Variants in TYW1B observed in about 807,000 individuals in gnomAD.
The protein encoded by TYW1B is S-adenosyl-L-methionine-dependent tRNA 4-demethylwyosine synthase TYW1B.
Under a neutral mutation model 86.9 loss-of-function variants are expected in TYW1B, and 73 were observed. The observed-to-expected ratio is 0.84, with a 90% CI of 0.70 to 1.02. The LOEUF is 1.02. Among genes scored for constraint, TYW1B ranks in the 50% least tolerant of loss-of-function variants. The pLI, the probability that TYW1B is intolerant of heterozygous loss-of-function variation, is 0.00. For synonymous variants in TYW1B, 248 were observed against 292.8 expected, an observed-to-expected ratio of 0.85 and a Z score of 1.56; for missense variants, 637 against 827.4, an observed-to-expected ratio of 0.77 and a Z score of 2.82.
chr7:72,617,621 C>A (rs1178467199), intron 12 of TYW1B, among the ~76,000 whole-genome samples: 9 of 152,222 alleles, frequency 5.9e-5, no homozygotes, highest in Admixed American at 4.6e-4. Context: ...CCTGCCCCGG[C>A]CTCCCAAAGT....
chr7:72,789,164 CACTCTG>C (rs1351621640), intron 6 of TYW1B, among the ~76,000 whole-genome samples: 1 of 146,278 alleles, frequency 6.8e-6, no homozygotes, highest in Non-Finnish European at 1.5e-5. Context: ...GAGACAGTCT[CACTCTG>C]TCACCCAGGC....
chr7:72,675,899 CTG>C (rs1176240525), intron 11 of TYW1B, among the ~76,000 whole-genome samples: 1 of 152,038 alleles, frequency 6.6e-6, no homozygotes, highest in African/African-American at 2.4e-5. Flanking sequence ...TATTTCATAA[CTG>C]TAATAGTTTC....
intron 7 of TYW1B, among the ~76,000 whole-genome samples, chr7:72,748,142 G>A (rs1160371662): frequency 1.3e-5 from 2 of 152,062 alleles, no homozygotes; most frequent in African/African-American, 4.8e-5. Flanking sequence ...GGTGGCGGGC[G>A]CCTGTAGTCC....
At chr7:72,608,819 C>A (rs1311312779) in intron 13 of TYW1B, among the ~76,000 whole-genome samples, 4 of 152,120 alleles carry the variant, frequency 2.6e-5, no homozygotes, top group African/African-American at 9.7e-5. Context: ...TAGCGGTTGC[C>A]AGAGGCTAGG....
At chr7:72,746,770 G>C (rs879959697) in intron 7 of TYW1B, among the ~76,000 whole-genome samples, 5 of 152,158 alleles carry the variant, frequency 3.3e-5, no homozygotes, top group African/African-American at 1.2e-4. Flanking sequence ...GTAGCTTCGC[G>C]AAAGGACCAG....
Position 72,575,280 on chromosome 7 carries a change from A to T in TYW1B, c.*218T>A, listed in dbSNP as rs1481109000. 8.0e-6 allele frequency: 11 copies of T among 1,378,936 alleles called. No homozygotes were observed. The African/African-American group carries it at 1.6e-4, about 20-fold the overall frequency. The allele number at this position is 1,378,936 out of a possible 1,614,324, so 85.4% of individuals were successfully genotyped here. A position where few individuals can be genotyped will look rare whatever the true frequency, so the allele number is the denominator to read the frequency against. Reference sequence around the variant, plus strand: ...TAATTTTCCTCTTAGAAGTAAAATCAGGAAAGGGGCTGAGTTCTGAAAAGA... The same window carrying T: ...TAATTTTCCTCTTAGAAGTAAAATCTGGAAAGGGGCTGAGTTCTGAAAAGA... On this transcript the variant is annotated 3_prime_UTR_variant, in exon 14 of 14. Transcript: ENST00000620995.
chr7:72,780,615 T>C (rs1180119152), intron 6 of TYW1B, among the ~76,000 whole-genome samples: 2 of 152,152 alleles, frequency 1.3e-5, no homozygotes, highest in Non-Finnish European at 2.9e-5. Context: ...AGGACGGCCA[T>C]GGAATACTGT....
chr7:72,743,831 C>G (rs1314373909), intron 8 of TYW1B, among the ~76,000 whole-genome samples: 1 of 138,212 alleles, frequency 7.2e-6, no homozygotes, highest in African/African-American at 2.8e-5. Context: ...GCAACAAGAG[C>G]GAAACTCCAT....
chr7:72,724,278 C>G (rs1422951034), intron 9 of TYW1B, among the ~76,000 whole-genome samples: 6 of 152,094 alleles, frequency 3.9e-5, no homozygotes, highest in Non-Finnish European at 8.8e-5. Flanking sequence ...TCAAGACCAG[C>G]CTGGGCAATA....
At chr7:72,621,400 C>A (rs1338310065) in intron 12 of TYW1B, among the ~76,000 whole-genome samples, 1 of 152,212 alleles carries the variant, frequency 6.6e-6, no homozygotes, top group African/African-American at 2.4e-5. Context: ...CACCACGGCA[C>A]GAGGCCTTCC....
intron 13 of TYW1B, among the ~76,000 whole-genome samples, chr7:72,584,533 G>A (rs1223676525): frequency 6.6e-6 from 1 of 150,804 alleles, no homozygotes; most frequent in Non-Finnish European, 1.5e-5. Flanking sequence ...TTGGCTCACT[G>A]AAACCTCTGC....
intron 11 of TYW1B, among the ~76,000 whole-genome samples, chr7:72,655,733 G>A (rs1377814349): frequency 3.3e-5 from 5 of 152,174 alleles, no homozygotes; most frequent in East Asian, 1.9e-4. Context: ...TGGCAGGGCC[G>A]CCAATGTACC....
intron 6 of TYW1B, among the ~76,000 whole-genome samples, chr7:72,795,801 A>ATTTGTTTTGT (rs543572071): frequency 1.2e-5 from 1 of 81,414 alleles, no homozygotes; most frequent in Admixed American, 1.5e-4. Context: ...GCTTAAACCA[A>ATTTGTTTTGT]TTTGTTTTGT....
At chr7:72,706,408 C>A (rs185431614) in intron 10 of TYW1B, among the ~76,000 whole-genome samples, 3 of 92,180 alleles carry the variant, frequency 3.3e-5, no homozygotes, top group African/African-American at 8.8e-5. Context: ...GCCTGGGCAA[C>A]AAGAGCGAAA....
intron 11 of TYW1B, among the ~76,000 whole-genome samples, chr7:72,632,417 A>G (rs1426343440): frequency 2.7e-5 from 3 of 110,992 alleles, no homozygotes; most frequent in African/African-American, 1.2e-4. Flanking sequence ...ATATACATAT[A>G]TATATAAAAT....
At chr7:72,668,067 T>C (rs1436678932) in intron 11 of TYW1B, among the ~76,000 whole-genome samples, 1 of 152,232 alleles carries the variant, frequency 6.6e-6, no homozygotes, top group African/African-American at 2.4e-5. Context: ...TATTTGGTCA[T>C]CTAGGCCTCG....
chr7:72,805,715 G>A (rs1034877381), intron 5 of TYW1B, among the ~76,000 whole-genome samples: 1 of 152,080 alleles, frequency 6.6e-6, no homozygotes, highest in African/African-American at 2.4e-5. Context: ...GTAAGGGAGA[G>A]ACCAAGGTCA....
At chr7:72,576,885 C>G (rs540851099) in intron 13 of TYW1B, among the ~76,000 whole-genome samples, 1 of 151,674 alleles carries the variant, frequency 6.6e-6, no homozygotes, top group Non-Finnish European at 1.5e-5. Flanking sequence ...CCAGCACTTT[C>G]AAAGGCCGAG....
chr7:72,657,457 A>G (rs1468622512), intron 11 of TYW1B, among the ~76,000 whole-genome samples: 2 of 152,170 alleles, frequency 1.3e-5, no homozygotes, highest in Non-Finnish European at 2.9e-5. Context: ...AATTTCTCCA[A>G]GTCTTGAGAG....
Sources: allele counts gnomAD v4.1 joint callset (sites outside exome capture counted in the v4.1 genomes callset), GRCh38; gene constraint gnomAD v4.1.1; transcripts MANE v1.5; gene names NCBI Gene and HGNC (gene_info 2026-07-23, HGNC 2026-07-21).